BICDL1: variants seen among roughly 807,000 people sequenced by gnomAD.
BICDL1 encodes BICD family like cargo adaptor 1.
A neutral mutation model predicts 76.8 loss-of-function variants in BICDL1; 20 were observed. That is an observed-to-expected ratio of 0.26 (90% confidence interval 0.18 to 0.38). The LOEUF is 0.38. BICDL1 is among the 10% of genes least tolerant of loss of function. BICDL1 has a pLI of 1.00. For synonymous variants in BICDL1, 383 were observed against 337.1 expected (o/e 1.14, Z -1.49); for missense variants, 700 against 798.6 (o/e 0.88, Z 1.49).
chr12:120,088,013 T>G (rs1158334361), intron 8 of BICDL1, among the ~76,000 whole-genome samples: 2 of 152,076 alleles, frequency 1.3e-5, no homozygotes, highest in Non-Finnish European at 2.9e-5. Context: ...CACTGTAACC[T>G]CCGCCTCCTG....
chr12:120,026,921 A>G (rs994442096), intron 2 of BICDL1, among the ~76,000 whole-genome samples: 2 of 151,990 alleles, frequency 1.3e-5, no homozygotes, highest in Non-Finnish European at 2.9e-5. Context: ...TGGAGTTGGT[A>G]TTAAACTGAG....
In BICDL1 at chr12:120,021,912, A is replaced by G. The variant is rs568860231; in HGVS notation, c.645+23176A>G. On this transcript the variant is annotated intron_variant, in intron 2 of 9. Coordinates refer to ENST00000548673, the MANE Select transcript of BICDL1 (RefSeq NM_001367886.1). ...AGAGCGAGGCTCTGTCTCAAATAAA[A>G]TAAAATAAAATAAAATAAATAAAAA... Among the ~76,000 whole-genome samples, 134 of 149,202 alleles carry G rather than the reference A, an allele frequency of 9.0e-4. 1 individual carries two copies. Among genetic ancestry groups the G allele is most frequent in the African/African-American group, 3.0e-3 (122 of 41,276 alleles).
At chr12:120,024,350 T>C (rs1952245195) in intron 2 of BICDL1, among the ~76,000 whole-genome samples, 1 of 152,106 alleles carries the variant, frequency 6.6e-6, no homozygotes, top group Non-Finnish European at 1.5e-5. Flanking sequence ...ATGTCTGAGA[T>C]GAAAAATGCA....
chr12:120,027,664 T>C (rs1345500531), intron 2 of BICDL1, among the ~76,000 whole-genome samples: 1 of 152,216 alleles, frequency 6.6e-6, no homozygotes, highest in African/African-American at 2.4e-5. Flanking sequence ...TTGAGATCTT[T>C]AAAAATCCAA....
chr12:120,032,968 A>G (rs1306456539), intron 2 of BICDL1, among the ~76,000 whole-genome samples: 1 of 151,832 alleles, frequency 6.6e-6, no homozygotes, highest in Non-Finnish European at 1.5e-5. Flanking sequence ...GATGATCTCT[A>G]TCTCCTGACC....
intron 1 of BICDL1, among the ~76,000 whole-genome samples, chr12:119,995,232 A>G (rs761871811): frequency 3.9e-5 from 6 of 152,238 alleles, no homozygotes; most frequent in Non-Finnish European, 5.9e-5. Flanking sequence ...AATTGAAAAT[A>G]TAATTCTAGG....
At chr12:120,025,296 C>T (rs1463354213) in intron 2 of BICDL1, among the ~76,000 whole-genome samples, 2 of 152,112 alleles carry the variant, frequency 1.3e-5, no homozygotes, top group Non-Finnish European at 2.9e-5. Context: ...GTGATCCGCC[C>T]TCCTTGGCCT....
At chr12:120,091,971 A>G (rs1875012564) in intron 9 of BICDL1, 2 of 985,188 alleles carry the variant, frequency 2.0e-6, no homozygotes, top group African/African-American at 1.7e-5. Context: ...TGACTCACTC[A>G]GGGGTTTAGC....
intron 2 of BICDL1, among the ~76,000 whole-genome samples, chr12:120,017,446 T>C (rs1952088650): frequency 6.6e-6 from 1 of 152,156 alleles, no homozygotes; most frequent in African/African-American, 2.4e-5. Flanking sequence ...ATCTGTAAAA[T>C]GGAGACCTGC....
At chr12:120,067,961 C>G (rs1872776764) in intron 4 of BICDL1, among the ~76,000 whole-genome samples, 1 of 152,228 alleles carries the variant, frequency 6.6e-6, no homozygotes, top group Non-Finnish European at 1.5e-5. Context: ...AGCAGGCTTG[C>G]CAATCCTTTC....
chr12:119,995,502 T>A (rs1199901456), intron 1 of BICDL1, among the ~76,000 whole-genome samples: 1 of 152,212 alleles, frequency 6.6e-6, no homozygotes, highest in South Asian at 2.1e-4. Flanking sequence ...TTTAAGTCAC[T>A]CTGTTCTTTT....
chr12:120,048,841 G>A (rs1952799829), intron 2 of BICDL1, among the ~76,000 whole-genome samples: 1 of 151,928 alleles, frequency 6.6e-6, no homozygotes, highest in Non-Finnish European at 1.5e-5. Context: ...TTAATTTGGG[G>A]TCTGTGTGTC....
chr12:120,070,892 C>T (rs1000624450), intron 4 of BICDL1, among the ~76,000 whole-genome samples: 1 of 151,798 alleles, frequency 6.6e-6, no homozygotes, highest in African/African-American at 2.4e-5. Context: ...CCACCATGCC[C>T]AGCTAATTTT....
intron 2 of BICDL1, among the ~76,000 whole-genome samples, chr12:120,048,376 T>C (rs982301261): frequency 3.3e-5 from 5 of 152,166 alleles, no homozygotes; most frequent in African/African-American, 1.2e-4. Context: ...TTTAGTTTCT[T>C]CTCCTTTAGC....
In BICDL1 at chr12:120,071,224, C is replaced by T. The variant is rs1439005905; in HGVS notation, c.910-398C>T. Reference sequence around the variant, plus strand: ...ATGGCGTGATCTTAGCTCATTGCAACGTCCGCCTCCTGGGTTCAAGCGATT... The same window carrying T: ...ATGGCGTGATCTTAGCTCATTGCAATGTCCGCCTCCTGGGTTCAAGCGATT... On this transcript the variant is annotated intron_variant, in intron 4 of 9. Transcript: ENST00000548673. The surrounding 1 kb of genome is among the most constrained non-coding windows in gnomAD (Gnocchi z 4.8). 1.3e-5 allele frequency among the ~76,000 whole-genome samples: 2 copies of T among 151,976 alleles called. No homozygotes were observed. The highest frequency in any genetic ancestry group is 3.9e-4 in the East Asian group (2 of 5,162).
At chr12:120,035,549 A>G (rs1240973803) in intron 2 of BICDL1, among the ~76,000 whole-genome samples, 1 of 152,200 alleles carries the variant, frequency 6.6e-6, no homozygotes, top group East Asian at 1.9e-4. Context: ...TGGGATTCAC[A>G]TCAAAGGCAG....
At position 120,054,045 on chromosome 12, in the gene BICDL1, G is replaced by A. The variant is rs370170077; in HGVS notation, c.646-7665G>A. On this transcript the variant is annotated intron_variant, in intron 2 of 9. Transcript: ENST00000548673. ...AAAAAAATAAGCCAGGCATGGTGGT[G>A]GGCACCTATAATCCCAAAAAAATTG... Among the ~76,000 whole-genome samples the A allele has an allele frequency of 1.6e-4, 24 of 150,784 alleles. No individual in the cohort carries two copies. In the East Asian group the frequency reaches 3.9e-3, roughly 25 times the overall value.
rs189243503 is a variant in BICDL1 at position 120,079,451 on chromosome 12, A to G, written c.1453-1436A>G. Among the ~76,000 whole-genome samples the G allele has an allele frequency of 1.1e-3, 173 of 152,330 alleles. No individual in the cohort carries two copies. The highest frequency in any genetic ancestry group is 4.1e-3 in the African/African-American group (169 of 41,570). On this transcript the variant is annotated intron_variant, in intron 7 of 9. Coordinates refer to ENST00000548673, the MANE Select transcript of BICDL1 (RefSeq NM_001367886.1). This position sits in a 1 kb window ranked among gnomAD's most constrained non-coding sequence, Gnocchi z 4.3. ...TTGAAGAACAGAGGAGTATGCTGAA[A>G]GGTGGCATTTGTCCCGTTGTGGGAG...
intron 1 of BICDL1, among the ~76,000 whole-genome samples, chr12:119,995,362 T>TCTTTGGAAA (rs1458023069): frequency 6.6e-6 from 1 of 152,242 alleles, no homozygotes; most frequent in Non-Finnish European, 1.5e-5. Context: ...GAAGTTTGTC[T>TCTTTGGAAA]CATGTCCAAA....
Sources: gnomAD v4.1 joint callset for allele counts (sites outside exome capture counted in the v4.1 genomes callset) on GRCh38, gnomAD v4.1.1 for gene constraint, Gnocchi (gnomAD v3.1) non-coding constraint, MANE v1.5 for transcripts, NCBI Gene and HGNC (gene_info 2026-07-23, HGNC 2026-07-21) for gene names.